Variants in SLC22A16 observed in about 807,000 individuals in gnomAD.
The protein encoded by SLC22A16 is solute carrier family 22 member 16, also known as WUGSC:RG331P03.1.
Under a neutral mutation model 52.9 loss-of-function variants are expected in SLC22A16, and 53 were observed. The ratio of observed to expected loss-of-function variants is 1.00; its 90% CI spans 0.80 to 1.26. The LOEUF is 1.26. Among genes scored for constraint, SLC22A16 ranks in the 50% most tolerant of loss-of-function variants. The pLI is 0.00. For missense variants in SLC22A16, 726 were observed against 704.0 expected (o/e 1.03, Z -0.35); for synonymous variants, 291 against 268.8 (o/e 1.08, Z -0.81).
rs1554229887 is a variant in SLC22A16, at chr6:110,476,507, G to GCCCCCCCCCCCCCCACC, written c.53+14_53+15insGGTGGGGGGGGGGGGGG. ...GCCGCCTCCCGCGTGGCGCCGCGGG[G>GCCCCCCCCCCCCCCACC]CCCCTCCCCCATACCTGCCGAAGTG... On this transcript the variant is annotated intron_variant, in intron 1 of 7. Coordinates refer to ENST00000368919, the MANE Select transcript of SLC22A16 (RefSeq NM_033125.4). The GCCCCCCCCCCCCCCACC allele has an allele frequency of 1.9e-6, 2 of 1,072,994 alleles. No homozygotes were observed. The highest frequency in any genetic ancestry group is 4.4e-5 in the Admixed American group (1 of 22,766). The allele number at this position is 1,072,994 out of a possible 1,614,324, so 66.5% of individuals were successfully genotyped here. A position where few individuals can be genotyped will look rare whatever the true frequency, so the allele number is the denominator to read the frequency against.
intron 7 of SLC22A16, among the ~76,000 whole-genome samples, chr6:110,427,247 C>CAAAAAAAAAA (rs71018390): frequency 1.7e-5 from 1 of 60,570 alleles, no homozygotes; most frequent in Non-Finnish European, 3.6e-5. Context: ...GACCCAATCT[C>CAAAAAAAAAA]AAAAAAAAAA....
At chr6:110,432,509 A>G (rs1774546404) in intron 6 of SLC22A16, among the ~76,000 whole-genome samples, 1 of 152,196 alleles carries the variant, frequency 6.6e-6, no homozygotes, top group Admixed American at 6.5e-5. Context: ...ATCTGGTCCA[A>G]TCTGAATTCT....
At chr6:110,461,592 T>C (rs1361307998) in intron 1 of SLC22A16, among the ~76,000 whole-genome samples, 1 of 152,074 alleles carries the variant, frequency 6.6e-6, no homozygotes, top group Admixed American at 6.5e-5. Context: ...TGCTAGTGTA[T>C]GAGATAAGCT....
intron 2 of SLC22A16, among the ~76,000 whole-genome samples, chr6:110,454,593 ATTTATATATATTATATAT>A (rs1184969242): frequency 1.0e-5 from 1 of 99,926 alleles, no homozygotes; most frequent in Non-Finnish European, 1.8e-5. Context: ...TATAATATAT[ATTTATATATATTATATAT>A]TTTATATATA....
rs1775193736 is a variant in SLC22A16, at chr6:110,446,870, C to T, written c.651+3G>A. ...AATTAAAGAAGTAAAAAACACAACT[C>T]ACCATGGCAAGAAAAAAGCGAGCAG... On this transcript the variant is annotated splice_donor_region_variant and intron_variant, in intron 3 of 7. Coordinates refer to ENST00000368919, the MANE Select transcript of SLC22A16 (RefSeq NM_033125.4). 6.2e-7 allele frequency: 1 copy of T among 1,607,558 alleles called. No individual in the cohort carries two copies. Among genetic ancestry groups the T allele is most frequent in the Non-Finnish European group, 8.5e-7 (1 of 1,177,710 alleles).
chr6:110,460,044 T>C (rs1377581689), intron 1 of SLC22A16, among the ~76,000 whole-genome samples: 2 of 152,176 alleles, frequency 1.3e-5, no homozygotes, highest in Admixed American at 6.5e-5. Flanking sequence ...ATCACCAACA[T>C]TCCTATAAAA....
At chr6:110,452,768 A>G (rs1775434974) in intron 2 of SLC22A16, among the ~76,000 whole-genome samples, 1 of 152,272 alleles carries the variant, frequency 6.6e-6, no homozygotes, top group South Asian at 2.1e-4. Context: ...TTATCAGGTT[A>G]AAGGCATTCT....
intron 1 of SLC22A16, among the ~76,000 whole-genome samples, chr6:110,471,351 T>C (rs1776254857): frequency 1.3e-5 from 2 of 152,194 alleles, no homozygotes; most frequent in African/African-American, 4.8e-5. Flanking sequence ...TCTGTGATGT[T>C]TGCAGAACAA....
At chr6:110,472,351 C>G (rs148387359) in intron 1 of SLC22A16, among the ~76,000 whole-genome samples, 3 of 152,272 alleles carry the variant, frequency 2.0e-5, no homozygotes, top group African/African-American at 7.2e-5. Context: ...TTATCTAGGT[C>G]TTCACTGGCC....
At chr6:110,445,042 C>G (rs1562286081) in intron 3 of SLC22A16, among the ~76,000 whole-genome samples, 1 of 152,150 alleles carries the variant, frequency 6.6e-6, no homozygotes, top group African/African-American at 2.4e-5. Flanking sequence ...ACACCCATCC[C>G]TTCCACTGAT....
Position 110,442,491 on chromosome 6 carries a change from G to A in SLC22A16, c.936C>T (p.Ala312=). The part of the protein sequence containing the change: ...EEAQKIVDIM[A]KWNRASSCKL... Reference sequence around the variant, plus strand: ...TACAGGAGCTTGCCCTGTTCCACTTGGCCATGATGTCAACTATTTTTTGTG... The same window carrying A: ...TACAGGAGCTTGCCCTGTTCCACTTAGCCATGATGTCAACTATTTTTTGTG... Residue 312 remains alanine (A), a synonymous_variant, in exon 4 of 8, where the codon GCC becomes GCT. Transcript: ENST00000368919. 1 of 1,614,182 alleles carries A rather than the reference G, an allele frequency of 6.2e-7. No homozygotes were observed. The highest frequency in any genetic ancestry group is 8.5e-7 in the Non-Finnish European group (1 of 1,180,030).
At position 110,431,213 on chromosome 6, in the gene SLC22A16, C is replaced by T. The variant is rs142454497; in HGVS notation, c.1479G>A (p.Pro493=). 3.0e-5 allele frequency: 48 copies of T among 1,613,590 alleles called. No individual in the cohort carries two copies. The highest frequency in any genetic ancestry group is 5.0e-5 in the Admixed American group (3 of 60,010). The part of the protein sequence containing the change: ...MVCRLASILA[P]FSVDLSSIWI... ...AAATGCTGCTGAGGTCCACAGAGAA[C>T]GGCGCCAGGATGCTGGCCAGGCGAC... Residue 493 remains proline (P), a synonymous_variant, in exon 7 of 8, where the codon CCG becomes CCA. Transcript: ENST00000368919.
chr6:110,455,652 T>A (rs902856334), intron 2 of SLC22A16: 3 of 152,178 alleles, frequency 2.0e-5, no homozygotes, highest in African/African-American at 7.2e-5. Flanking sequence ...TGTAAATTTT[T>A]AAAAATATAT....
rs150958582 is a variant in SLC22A16 at position 110,464,176 on chromosome 6, G to A, written c.54-7159C>T. Reference sequence around the variant, plus strand: ...AAGAGGAAAGCTTATAGCATTAATTGCTCAAATCAAAAAGACAGATCTCAA... The same window carrying A: ...AAGAGGAAAGCTTATAGCATTAATTACTCAAATCAAAAAGACAGATCTCAA... On this transcript the variant is annotated intron_variant, in intron 1 of 7. Coordinates refer to ENST00000368919, the MANE Select transcript of SLC22A16 (RefSeq NM_033125.4). 3.7e-3 allele frequency among the ~76,000 whole-genome samples: 569 copies of A among 152,138 alleles called. 6 individuals carry two copies. The highest frequency in any genetic ancestry group is 0.013 in the African/African-American group (556 of 41,542).
At chr6:110,462,684 A>T (rs561475743) in intron 1 of SLC22A16, among the ~76,000 whole-genome samples, 1 of 152,320 alleles carries the variant, frequency 6.6e-6, no homozygotes, top group Non-Finnish European at 1.5e-5. Context: ...AAGAAGAAAA[A>T]GTAAGCAATT....
rs181733133 is a variant in SLC22A16, at chr6:110,460,090, G to C, written c.54-3073C>G. Among the ~76,000 whole-genome samples the C allele has an allele frequency of 2.6e-3, 389 of 152,264 alleles. 1 individual carries two copies. The highest frequency in any genetic ancestry group is 8.9e-3 in the African/African-American group (370 of 41,550). On this transcript the variant is annotated intron_variant, in intron 1 of 7. Transcript: ENST00000368919. ...GGGAGGTAGGAAATAGGTCCTGTCC[G>C]ATCAAACTGAGGTCAAATTGCACCA...
At chr6:110,466,255 A>C (rs1483677377) in intron 1 of SLC22A16, among the ~76,000 whole-genome samples, 1 of 152,352 alleles carries the variant, frequency 6.6e-6, no homozygotes, top group East Asian at 1.9e-4. Context: ...AAGTCCTCAA[A>C]GGCAAATGCA....
In SLC22A16 at chr6:110,451,303, A is replaced by G. The variant is rs1350613976; in HGVS notation, c.534-4313T>C. ...GCATGTACCTCTGTGGACCTGTGCA[A>G]GAGCATGCTCAGGGTATATGCCCCA... On this transcript the variant is annotated intron_variant, in intron 2 of 7. Transcript: ENST00000368919. Among the ~76,000 whole-genome samples, 3 of 152,208 alleles carry G rather than the reference A, an allele frequency of 2.0e-5. No individual in the cohort carries two copies. The South Asian group carries it at 6.2e-4, about 32-fold the overall frequency.
At chr6:110,434,386 G>C (rs1774632057) in intron 6 of SLC22A16, among the ~76,000 whole-genome samples, 1 of 152,142 alleles carries the variant, frequency 6.6e-6, no homozygotes, top group African/African-American at 2.4e-5. Context: ...AACAAGAAGT[G>C]TGGTTTACAA....
Sources: allele counts gnomAD v4.1 joint callset (sites outside exome capture counted in the v4.1 genomes callset), GRCh38; gene constraint gnomAD v4.1.1; transcripts MANE v1.5; gene names NCBI Gene and HGNC (gene_info 2026-07-23, HGNC 2026-07-21).